The following CSGALNACT1 variants were observed in gnomAD, a reference collection of about 807,000 sequenced individuals.
CSGALNACT1 encodes chondroitin sulfate N-acetylgalactosaminyltransferase 1, also known as beta4GalNAcT-1.
A neutral mutation model predicts 51.0 loss-of-function variants in CSGALNACT1; 52 were observed. That is an observed-to-expected ratio of 1.02 (90% confidence interval 0.82 to 1.29). The LOEUF is 1.29. Ranked by LOEUF, CSGALNACT1 falls within the 50% of genes most tolerant of loss-of-function variation. CSGALNACT1 has a pLI of 0.00. For missense variants in CSGALNACT1, 935 were observed against 679.2 expected (o/e 1.38, Z -4.19); for synonymous variants, 341 against 254.4 (o/e 1.34, Z -3.24).
chr8:19,617,917 T>C (rs2053257053), intron 1 of CSGALNACT1, among the ~76,000 whole-genome samples: 1 of 152,124 alleles, frequency 6.6e-6, no homozygotes, highest in Non-Finnish European at 1.5e-5. Flanking sequence ...TCTCTCTCCA[T>C]CACCCAGGCT....
At chr8:19,525,973 C>A (rs2081602879) in intron 3 of CSGALNACT1, among the ~76,000 whole-genome samples, 1 of 152,168 alleles carries the variant, frequency 6.6e-6, no homozygotes, top group Non-Finnish European at 1.5e-5. Flanking sequence ...TTTACCATTC[C>A]ATTTTATCAT....
rs189033567 is a variant in CSGALNACT1 at position 19,473,259 on chromosome 8, G to C, written c.635-14617C>G. Among the ~76,000 whole-genome samples the C allele has an allele frequency of 4.3e-4, 65 of 152,224 alleles. No individual in the cohort carries two copies. The Middle Eastern group carries it at 0.017, about 40-fold the overall frequency. ...AGCAAGATTGCTAGAGGATTTTTTT[G>C]ATATTGCTTGAAAAACCCATTTCTA... On this transcript the variant is annotated intron_variant, in intron 4 of 9. Coordinates refer to ENST00000454498, the Ensembl canonical transcript of CSGALNACT1.
At chr8:19,491,967 G>A (rs2074442768) in intron 4 of CSGALNACT1, among the ~76,000 whole-genome samples, 1 of 152,146 alleles carries the variant, frequency 6.6e-6, no homozygotes, top group African/African-American at 2.4e-5. Context: ...CTTTAGACAT[G>A]GATGGAAGGC....
intron 5 of CSGALNACT1, among the ~76,000 whole-genome samples, chr8:19,445,301 G>A (rs914372568): frequency 2.0e-5 from 3 of 152,208 alleles, no homozygotes; most frequent in Non-Finnish European, 4.4e-5. Context: ...CTTGAAATTT[G>A]TGCATGCAGT....
At chr8:19,709,162 T>G (rs894460848) in intron 1 of CSGALNACT1, among the ~76,000 whole-genome samples, 4 of 152,202 alleles carry the variant, frequency 2.6e-5, no homozygotes, top group Admixed American at 2.6e-4. Context: ...GTGTTCCGAT[T>G]ACATACTTGC....
intron 1 of CSGALNACT1, among the ~76,000 whole-genome samples, chr8:19,628,659 T>G (rs765554391): frequency 6.6e-6 from 1 of 152,094 alleles, no homozygotes; most frequent in African/African-American, 2.4e-5. Context: ...TAGGCTTTTT[T>G]TTTTTGTTTT....
At chr8:19,738,462 T>C (rs957992558) in intron 1 of CSGALNACT1, among the ~76,000 whole-genome samples, 4 of 152,156 alleles carry the variant, frequency 2.6e-5, no homozygotes, top group African/African-American at 9.7e-5. Flanking sequence ...ATGGTGGTTG[T>C]CAGGGGCTGG....
Position 19,665,779 on chromosome 8 carries a change from G to A in CSGALNACT1, c.-544+16694C>T, listed in dbSNP as rs1185605683. 3.3e-5 allele frequency among the ~76,000 whole-genome samples: 5 copies of A among 152,254 alleles called. No individual in the cohort carries two copies. In the East Asian group the frequency reaches 9.6e-4, roughly 29 times the overall value. The stretch of plus-strand genomic sequence containing the variant: ...TCTTAATTCATAATAGAAGGGTTTG[G>A]TTAATTACACCTGGGATAATGAATA... On this transcript the variant is annotated intron_variant, in intron 1 of 9. Transcript: ENST00000332246.
chr8:19,518,729 C>T (rs1434453902), intron 3 of CSGALNACT1, among the ~76,000 whole-genome samples: 1 of 152,130 alleles, frequency 6.6e-6, no homozygotes, highest in East Asian at 1.9e-4. Context: ...AGGGTATATA[C>T]CCCAGACAAT....
Position 19,750,521 on chromosome 8 carries a change from G to A in CSGALNACT1, c.-297+7329C>T, listed in dbSNP as rs138393545. Among the ~76,000 whole-genome samples the A allele has an allele frequency of 2.0e-4, 31 of 152,240 alleles. 1 individual carries two copies. The highest frequency in any genetic ancestry group is 7.0e-4 in the African/African-American group (29 of 41,540). On this transcript the variant is annotated intron_variant, in intron 1 of 1. Transcript: ENST00000517494. ...GGTACCTACTACTTCCTGGTGGCTC[G>A]GAACCTTACCTATACCTTTCGTTTA...
chr8:19,582,784 T>C (rs2045863070), intron 3 of CSGALNACT1, among the ~76,000 whole-genome samples: 1 of 152,084 alleles, frequency 6.6e-6, no homozygotes, highest in Non-Finnish European at 1.5e-5. Flanking sequence ...ATCCTAGAAA[T>C]CAGTAGCCCC....
intron 1 of CSGALNACT1, among the ~76,000 whole-genome samples, chr8:19,651,077 T>C (rs2057761021): frequency 6.6e-6 from 1 of 152,092 alleles, no homozygotes; most frequent in Non-Finnish European, 1.5e-5. Flanking sequence ...ATCAACTGTA[T>C]AGGGGTCAGA....
intron 5 of CSGALNACT1, among the ~76,000 whole-genome samples, chr8:19,457,241 A>G (rs1485700708): frequency 6.6e-6 from 1 of 152,368 alleles, no homozygotes; most frequent in Non-Finnish European, 1.5e-5. Context: ...GAGTACGCTC[A>G]TGAACCAGAA....
intron 4 of CSGALNACT1, among the ~76,000 whole-genome samples, chr8:19,460,387 C>T (rs2065098435): frequency 6.6e-6 from 1 of 152,150 alleles, no homozygotes; most frequent in African/African-American, 2.4e-5. Context: ...ATAAATTAAA[C>T]ATTATCCCAG....
chr8:19,692,122 C>G (rs533476798), intron 1 of CSGALNACT1, among the ~76,000 whole-genome samples: 1 of 152,092 alleles, frequency 6.6e-6, no homozygotes, highest in South Asian at 2.1e-4. Flanking sequence ...CTCACTATCA[C>G]GAGAACAGCA....
chr8:19,538,615 G>C (rs1023542871), intron 3 of CSGALNACT1, among the ~76,000 whole-genome samples: 1 of 152,152 alleles, frequency 6.6e-6, no homozygotes, highest in Non-Finnish European at 1.5e-5. Context: ...CCAACATTCG[G>C]TGCATAAAGG....
At chr8:19,746,912 C>T (rs2064703735) in intron 1 of CSGALNACT1, among the ~76,000 whole-genome samples, 1 of 152,216 alleles carries the variant, frequency 6.6e-6, no homozygotes, top group South Asian at 2.1e-4. Flanking sequence ...CACACACTGG[C>T]ATGTCATCTG....
At chr8:19,463,874 A>G (rs4427190) in intron 4 of CSGALNACT1, among the ~76,000 whole-genome samples, 75,523 of 152,000 alleles carry the variant, frequency 0.5, 19,710 homozygotes, top group East Asian at 0.85. Context: ...GGACATCTCC[A>G]TGTATCCAAG....
rs1414449293 is a variant in CSGALNACT1, at chr8:19,716,612, C to CCAAAAAAAAA, written c.-297+41237_-297+41238insTTTTTTTTTG. Among the ~76,000 whole-genome samples the CCAAAAAAAAA allele has an allele frequency of 9.5e-4, 40 of 41,988 alleles. 1 individual carries two copies. The highest frequency in any genetic ancestry group is 9.2e-3 in the South Asian group (6 of 654). 27.5% of individuals were successfully genotyped at this position (41,988 alleles called of 152,430 possible). ...GGCCAACATGGTAAAACCCTCTCTA[C>CCAAAAAAAAA]AAAAAAAAAAAAAAAAAAAAAAAAA... On this transcript the variant is annotated intron_variant, in intron 1 of 1. Coordinates refer to the CSGALNACT1 transcript ENST00000517494.
Sources: gnomAD v4.1 joint callset for allele counts (sites outside exome capture counted in the v4.1 genomes callset) on GRCh38, gnomAD v4.1.1 for gene constraint, MANE v1.5 for transcripts, NCBI Gene and HGNC (gene_info 2026-07-23, HGNC 2026-07-21) for gene names.